Variants in ADORA2B observed in about 807,000 individuals in gnomAD.
ADORA2B encodes adenosine A2b receptor.
A neutral mutation model predicts 20.8 loss-of-function variants in ADORA2B; 18 were observed. The observed-to-expected ratio is 0.87, with a 90% confidence interval of 0.60 to 1.29. ADORA2B has a LOEUF of 1.29. Ranked by LOEUF, ADORA2B falls within the 50% of genes most tolerant of loss-of-function variation. ADORA2B has a pLI of 0.00. For synonymous variants in ADORA2B, 179 were observed against 178.3 expected, an observed-to-expected ratio of 1.00 and a Z score of -0.03; for missense variants, 441 against 422.7, an observed-to-expected ratio of 1.04 and a Z score of -0.38.
chr17:15,916,178 TG>T, the ADORA2B span, among the ~76,000 whole-genome samples: 3 of 151,998 alleles, frequency 2.0e-5, no homozygotes, highest in Non-Finnish European at 2.9e-5. Context: ...CCAAAGGCAG[TG>T]GTAAGCGGGA....
At chr17:15,857,069 G>A in the ADORA2B span, among the ~76,000 whole-genome samples, 277 of 152,324 alleles carry the variant, frequency 1.8e-3, 2 homozygotes, top group African/African-American at 6.3e-3. Flanking sequence ...GCCCTGCTCT[G>A]TGCAGCCTTG....
At chr17:15,867,818 C>G in the ADORA2B span, among the ~76,000 whole-genome samples, 4 of 148,174 alleles carry the variant, frequency 2.7e-5, no homozygotes, top group African/African-American at 7.8e-5. Flanking sequence ...CCGGCCGCCC[C>G]TACTGGGAAG....
chr17:15,891,139 G>A, the ADORA2B span, among the ~76,000 whole-genome samples: 8 of 152,204 alleles, frequency 5.3e-5, no homozygotes, highest in African/African-American at 1.9e-4. Context: ...GGTGGCGGGT[G>A]CCTGTAGTCC....
At chr17:15,928,727 G>A in the ADORA2B span, among the ~76,000 whole-genome samples, 1 of 151,816 alleles carries the variant, frequency 6.6e-6, no homozygotes, top group African/African-American at 2.4e-5. Context: ...GAGCGTTGTG[G>A]AGGAAGAGAT....
chr17:15,892,966 C>T, the ADORA2B span, among the ~76,000 whole-genome samples: 1 of 152,172 alleles, frequency 6.6e-6, no homozygotes, highest in South Asian at 2.1e-4. Context: ...TGCTTTACCC[C>T]GTCCTGCTGC....
intron 1 of ADORA2B, among the ~76,000 whole-genome samples, chr17:15,961,782 C>A (rs1970045205): frequency 1.3e-5 from 2 of 152,154 alleles, no homozygotes; most frequent in Non-Finnish European, 2.9e-5. Flanking sequence ...GAGAGGGCTG[C>A]ACTTGCATTT....
intron 1 of ADORA2B, among the ~76,000 whole-genome samples, chr17:15,961,368 T>C (rs918316482): frequency 3.3e-5 from 5 of 152,192 alleles, no homozygotes; most frequent in Non-Finnish European, 7.3e-5. Flanking sequence ...ATGGTTACAT[T>C]CAGGTTAAAC....
At chr17:15,946,182 A>T (rs535433075) in intron 1 of ADORA2B, among the ~76,000 whole-genome samples, 162 of 152,234 alleles carry the variant, frequency 1.1e-3, no homozygotes, top group Non-Finnish European at 1.9e-3. Flanking sequence ...GTGTCCGTTA[A>T]CTTTGGGGAA....
chr17:15,886,578 T>C, the ADORA2B span, among the ~76,000 whole-genome samples: 75 of 130,184 alleles, frequency 5.8e-4, 16 homozygotes, highest in Non-Finnish European at 8.8e-4. Flanking sequence ...CCACTGACCG[T>C]GGGTGACTCC....
chr17:15,964,630 A>G (rs1970079584), intron 1 of ADORA2B, among the ~76,000 whole-genome samples: 1 of 151,444 alleles, frequency 6.6e-6, no homozygotes, highest in African/African-American at 2.4e-5. Context: ...AAAAAAAAAA[A>G]AAGAAAAGAT....
chr17:15,956,781 G>A (rs955634117), intron 1 of ADORA2B, among the ~76,000 whole-genome samples: 1 of 151,970 alleles, frequency 6.6e-6, no homozygotes, highest in East Asian at 1.9e-4. Context: ...TGTGTTTTTA[G>A]TAGAGACGGG....
In ADORA2B at chr17:15,949,208, C is replaced by CA. The variant is rs34648685; in HGVS notation, c.335+3637dup. Among the ~76,000 whole-genome samples the CA allele has an allele frequency of 3.5e-3, 368 of 103,816 alleles. 1 individual carries two copies. Among genetic ancestry groups the CA allele is most frequent in the East Asian group, 0.024 (85 of 3,606 alleles). 68.1% of individuals were successfully genotyped at this position (103,816 alleles called of 152,430 possible). The stretch of plus-strand genomic sequence containing the variant: ...GGGCAACAAGAGCAAAACTCTGCCT[C>CA]AAAAAAAAAAAATTGAGCTATAGTC... On this transcript the variant is annotated intron_variant, in intron 1 of 1. Transcript: ENST00000304222.
At chr17:15,908,990 C>CT in the ADORA2B span, among the ~76,000 whole-genome samples, 1 of 152,062 alleles carries the variant, frequency 6.6e-6, no homozygotes, top group Non-Finnish European at 1.5e-5. Flanking sequence ...AAATTAGTCT[C>CT]TTTTTTTGCT....
the ADORA2B span, among the ~76,000 whole-genome samples, chr17:15,873,808 A>G: frequency 6.6e-6 from 1 of 152,144 alleles, no homozygotes; most frequent in South Asian, 2.1e-4. Flanking sequence ...ATGTAAATTA[A>G]TACAACCTCT....
the ADORA2B span, among the ~76,000 whole-genome samples, chr17:15,914,561 G>T: frequency 7.9e-5 from 12 of 152,306 alleles, no homozygotes; most frequent in Admixed American, 5.9e-4. Context: ...ATAATCATGT[G>T]CCCCAGAGCA....
chr17:15,880,800 C>G, the ADORA2B span, among the ~76,000 whole-genome samples: 47 of 152,264 alleles, frequency 3.1e-4, no homozygotes, highest in Non-Finnish European at 6.0e-4. Flanking sequence ...GCCAGGGTTC[C>G]CCTGGACAGA....
chr17:15,874,145 A>C, the ADORA2B span, among the ~76,000 whole-genome samples: 8 of 151,082 alleles, frequency 5.3e-5, no homozygotes, highest in Non-Finnish European at 1.0e-4. Context: ...CACACCATGG[A>C]ATGAATGAAA....
At chr17:15,932,951 ATTT>A in the ADORA2B span, among the ~76,000 whole-genome samples, 1 of 135,956 alleles carries the variant, frequency 7.4e-6, no homozygotes, top group African/African-American at 2.8e-5. Context: ...TAGTCCTTCA[ATTT>A]TTTTTTTTTT....
the ADORA2B span, among the ~76,000 whole-genome samples, chr17:15,898,945 A>G: frequency 1.3e-5 from 2 of 152,108 alleles, no homozygotes; most frequent in African/African-American, 4.8e-5. Flanking sequence ...GAAAAATAAT[A>G]TAGGCCGGGC....
Sources: allele counts gnomAD v4.1 joint callset (sites outside exome capture counted in the v4.1 genomes callset), GRCh38; gene constraint gnomAD v4.1.1; transcripts MANE v1.5; gene names NCBI Gene and HGNC (gene_info 2026-07-23, HGNC 2026-07-21).